FSCN1: variants seen among roughly 807,000 people sequenced by gnomAD.
FSCN1 encodes fascin actin-bundling protein 1.
A neutral mutation model predicts 39.7 loss-of-function variants in FSCN1; 10 were observed. The observed-to-expected ratio is 0.25, with a 90% CI of 0.16 to 0.43. The LOEUF is 0.43. Ranked by LOEUF, FSCN1 falls within the 20% of genes least tolerant of loss-of-function variation. The pLI is 1.00. For synonymous variants in FSCN1, 322 were observed against 320.0 expected, an observed-to-expected ratio of 1.01 and a Z score of -0.07; for missense variants, 525 against 723.8, an observed-to-expected ratio of 0.73 and a Z score of 3.15.
intron 1 of FSCN1, chr7:5,594,038 C>T: frequency 4.3e-6 from 2 of 468,466 alleles, no homozygotes; most frequent in Admixed American, 4.3e-5. Context: ...GTACGTGCAC[C>T]CTCCTAACCC....
chr7:5,605,219 G>T lies in FSCN1; in HGVS notation c.1280-53G>T. The T allele has an allele frequency of 7.2e-7, 1 of 1,393,034 alleles. No homozygotes were observed. The allele number at this position is 1,393,034 out of a possible 1,614,324, so 86.3% of individuals were successfully genotyped here. ...CCGTGCCCACCCTCCGCTGCCCAGGGTAGGGGTGGGGAGCCAGGCTTTGGG... is the reference window on the plus strand; with the variant it reads ...CCGTGCCCACCCTCCGCTGCCCAGGTTAGGGGTGGGGAGCCAGGCTTTGGG... On this transcript the variant is annotated intron_variant, in intron 4 of 4. Transcript: ENST00000382361. This position sits in a 1 kb window ranked among gnomAD's most constrained non-coding sequence, Gnocchi z 6.9.
chr7:5,596,009 T>C (rs1431796877), intron 1 of FSCN1, among the ~76,000 whole-genome samples: 1 of 135,368 alleles, frequency 7.4e-6, no homozygotes, highest in East Asian at 2.2e-4. Flanking sequence ...AGCTTGGAGT[T>C]GAAAGGGATG....
intron 4 of FSCN1, 63 bp downstream of exon 4, chr7:5,604,093 T>C: frequency 6.7e-7 from 1 of 1,496,180 alleles, no homozygotes; most frequent in Non-Finnish European, 9.2e-7. Flanking sequence ...GGGTCAGTGC[T>C]GCGGGGAGCG....
chr7:5,604,113 T>G, intron 4 of FSCN1, 83 bp downstream of exon 4: 1 of 1,320,324 alleles, frequency 7.6e-7, no homozygotes, highest in Non-Finnish European at 1.1e-6. Flanking sequence ...GCCCTCTGCA[T>G]CCACACTGGA....
chr7:5,598,808 C>T (rs1043578013), intron 1 of FSCN1, among the ~76,000 whole-genome samples: 1 of 152,230 alleles, frequency 6.6e-6, no homozygotes, highest in Non-Finnish European at 1.5e-5. Context: ...TAACTTCCCT[C>T]CGATCAGCGG....
intron 1 of FSCN1, among the ~76,000 whole-genome samples, chr7:5,598,526 G>A (rs1054978769): frequency 2.6e-5 from 4 of 152,222 alleles, no homozygotes; most frequent in Non-Finnish European, 4.4e-5. Context: ...GGAGCCTCCC[G>A]GCTTCCTGCA....
chr7:5,604,046 G>T lies in FSCN1; in HGVS notation c.1279+16G>T, dbSNP rs550520314. The T allele has an allele frequency of 1.8e-5, 29 of 1,610,726 alleles. No individual in the cohort carries two copies. In the South Asian group the frequency reaches 2.5e-4, roughly 14 times the overall value. ...AACATCAAAGGCAGGTTCTCCTGTG[G>T]GCAGCTGCTGGGCAGGGAACCCCTC... On this transcript the variant is annotated intron_variant, in intron 4 of 4. Coordinates refer to ENST00000382361, the MANE Select transcript of FSCN1 (RefSeq NM_003088.4).
chr7:5,597,821 G>T (rs1440467842), intron 1 of FSCN1, among the ~76,000 whole-genome samples: 1 of 152,118 alleles, frequency 6.6e-6, no homozygotes, highest in Admixed American at 6.5e-5. Flanking sequence ...GACAGGCAGG[G>T]CTAGACCTCT....
chr7:5,593,944 C>T (rs1473569227), intron 1 of FSCN1, 176 bp downstream of exon 1: 6 of 571,022 alleles, frequency 1.1e-5, no homozygotes, highest in Non-Finnish European at 1.8e-5. Context: ...AGGAGTGGGG[C>T]TTTGCCCATC....
intron 1 of FSCN1, 29 bp downstream of exon 1, chr7:5,593,797 C>T (rs1785677395): frequency 7.0e-7 from 1 of 1,423,280 alleles, no homozygotes; most frequent in Non-Finnish European, 9.5e-7. Context: ...CCCGCCTCTC[C>T]TGGTCCGTGC....
In FSCN1 at chr7:5,603,212, G is replaced by C. The variant is rs569907471; in HGVS notation, c.833-45G>C. On this transcript the variant is annotated intron_variant, in intron 1 of 4. Coordinates refer to ENST00000382361, the MANE Select transcript of FSCN1 (RefSeq NM_003088.4). The surrounding 1 kb of genome is among the most constrained non-coding windows in gnomAD (Gnocchi z 8.5). Reference sequence around the variant, plus strand: ...TCAGGGCTATGGTCTGCCAGAACTAGGGGGCGTGGGGCCCCAGTACCAGCC... The same window carrying C: ...TCAGGGCTATGGTCTGCCAGAACTACGGGGCGTGGGGCCCCAGTACCAGCC... 1 of 1,603,192 alleles carries C rather than the reference G, an allele frequency of 6.2e-7. No homozygotes were observed. Among genetic ancestry groups the C allele is most frequent in the East Asian group, 2.2e-5 (1 of 44,852 alleles).
rs1237814320 is a variant in FSCN1 at position 5,606,652 on chromosome 7, C to T, written c.*1178C>T. 4.7e-5 allele frequency: 7 copies of T among 150,486 alleles called. No individual in the cohort carries two copies. The highest frequency in any genetic ancestry group is 1.0e-4 in the Non-Finnish European group (7 of 67,784). The allele number at this position is 150,486 out of a possible 1,614,324, so 9.3% of individuals were successfully genotyped here. A position where few individuals can be genotyped will look rare whatever the true frequency, so the allele number is the denominator to read the frequency against. ...GAAATAAAATAACTCAGTCTGCAGC[C>T]CCAGGCCGGCCTGTGTGTGTCTTGG... On this transcript the variant is annotated 3_prime_UTR_variant, in exon 5 of 5. Transcript: ENST00000382361. This position sits in a 1 kb window ranked among gnomAD's most constrained non-coding sequence, Gnocchi z 5.1.
In FSCN1 at chr7:5,599,592, G is replaced by A. The variant is rs1266299629; in HGVS notation, c.833-3665G>A. Among the ~76,000 whole-genome samples, 1 of 151,926 alleles carries A rather than the reference G, an allele frequency of 6.6e-6. No individual in the cohort carries two copies. The highest frequency in any genetic ancestry group is 2.4e-5 in the African/African-American group (1 of 41,344). ...TTTGGGAGGCAAAGGTGGGAGGACT[G>A]CTTGAGTCCTGGAGTTTGGGCAACA... On this transcript the variant is annotated intron_variant, in intron 1 of 4. Coordinates refer to ENST00000382361, the MANE Select transcript of FSCN1 (RefSeq NM_003088.4). This position sits in a 1 kb window ranked among gnomAD's most constrained non-coding sequence, Gnocchi z 5.6.
At position 5,604,015 on chromosome 7, in the gene FSCN1, G is replaced by T; in HGVS notation, c.1264G>T (p.Ala422Ser). 6.2e-7 allele frequency: 1 copy of T among 1,613,530 alleles called. No homozygotes were observed. ...DVFQLEFNDG[A>S]YNIKDSTGKY... The stretch of plus-strand genomic sequence containing the variant: ...CTTCCAGCTGGAGTTCAACGATGGC[G>T]CCTACAACATCAAAGGCAGGTTCTC... Residue 422 changes from alanine (A) to serine (S), a missense_variant, in exon 4 of 5, where the codon GCC becomes TCC. Ala to Ser is a moderately conservative substitution (Grantham distance 99). Transcript: ENST00000382361.
rs146600697 is a variant in FSCN1, at chr7:5,593,230, C to A, written c.294C>A (p.Asp98Glu). 7 of 1,607,916 alleles carry A rather than the reference C, an allele frequency of 4.4e-6. No homozygotes were observed. The highest frequency in any genetic ancestry group is 5.9e-6 in the Non-Finnish European group (7 of 1,178,416). ...DCRFLIVAHD[D>E]GRWSLQSEAH... ...GTTTCCTCATCGTGGCGCACGACGA[C>A]GGTCGCTGGTCGCTGCAGTCCGAGG... The change falls in exon 1 of 5, where the codon GAC (aspartate) becomes GAA (glutamate). Residue 98 changes from aspartate (D) to glutamate (E), a missense_variant. Physicochemically the swap from Asp to Glu is conservative, Grantham distance 45 (BLOSUM62 2). Coordinates refer to ENST00000382361, the MANE Select transcript of FSCN1 (RefSeq NM_003088.4).
At position 5,592,924 on chromosome 7, in the gene FSCN1, G is replaced by A. The variant is rs1487991964; in HGVS notation, c.-13G>A. 2 of 1,479,238 alleles carry A rather than the reference G, an allele frequency of 1.4e-6. No individual in the cohort carries two copies. The highest frequency in any genetic ancestry group is 1.4e-5 in the South Asian group (1 of 73,974). The allele number at this position is 1,479,238 out of a possible 1,614,324, so 91.6% of individuals were successfully genotyped here. A position where few individuals can be genotyped will look rare whatever the true frequency, so the allele number is the denominator to read the frequency against. On this transcript the variant is annotated 5_prime_UTR_variant, in exon 1 of 5. Coordinates refer to ENST00000382361, the MANE Select transcript of FSCN1 (RefSeq NM_003088.4). The surrounding 1 kb of genome is among the most constrained non-coding windows in gnomAD (Gnocchi z 5.3). Reference sequence around the variant, plus strand: ...TCCCGGGGCCGCGCAGCGGCCTCTCGTCTACTGCCACCATGACCGCCAACG... The same window carrying A: ...TCCCGGGGCCGCGCAGCGGCCTCTCATCTACTGCCACCATGACCGCCAACG...
intron 1 of FSCN1, among the ~76,000 whole-genome samples, chr7:5,596,348 A>C (rs1785730444): frequency 6.6e-6 from 1 of 152,148 alleles, no homozygotes; most frequent in South Asian, 2.1e-4. Context: ...CTCCCCTTTG[A>C]AAAACGCTGC....
rs368725715 is a variant in FSCN1, at chr7:5,605,709, G to T, written c.*235G>T. On this transcript the variant is annotated 3_prime_UTR_variant, in exon 5 of 5. Transcript: ENST00000382361. This position sits in a 1 kb window ranked among gnomAD's most constrained non-coding sequence, Gnocchi z 6.9. ...AGCGGCTGCGGCCTGGCCCTGGGAG[G>T]GATTTCAGATGCCCCTGCCCTCTTG... is the stretch of plus-strand genomic sequence containing the variant. 3.1e-4 allele frequency: 165 copies of T among 530,902 alleles called. 1 individual carries two copies. Among genetic ancestry groups the T allele is most frequent in the African/African-American group, 2.9e-3 (151 of 52,280 alleles). 32.9% of individuals were successfully genotyped at this position (530,902 alleles called of 1,614,324 possible). A position where few individuals can be genotyped will look rare whatever the true frequency, so the allele number is the denominator to read the frequency against.
At chr7:5,593,919 C>T in intron 1 of FSCN1, 151 bp downstream of exon 1, 1 of 600,358 alleles carries the variant, frequency 1.7e-6, no homozygotes. Context: ...CGGGCTACCC[C>T]GCCTGGAGGG....
Sources: gnomAD v4.1 joint callset for allele counts (sites outside exome capture counted in the v4.1 genomes callset) on GRCh38, gnomAD v4.1.1 for gene constraint, Gnocchi (gnomAD v3.1) non-coding constraint, MANE v1.5 for transcripts, NCBI Gene and HGNC (gene_info 2026-07-23, HGNC 2026-07-21) for gene names.